Variants in CHD5 observed in about 807,000 individuals in gnomAD.
The protein encoded by CHD5 is chromodomain helicase DNA binding protein 5, also known as ATP-dependent chromatin remodeler CHD5.
In CHD5, 69 loss-of-function variants were observed where a neutral mutation model predicts 230.3. The ratio of observed to expected loss-of-function variants is 0.30; its 90% CI spans 0.25 to 0.37. CHD5 has a LOEUF of 0.37. CHD5 is among the 10% of genes least tolerant of loss of function. The pLI is 1.00. For missense variants in CHD5, 1,827 were observed against 2,622.8 expected (o/e 0.70, Z 6.63); for synonymous variants, 1,064 against 1,065.9 (o/e 1.00, Z 0.03).
At chr1:6,110,840 C>T (rs1288850093) in intron 36 of CHD5, among the ~76,000 whole-genome samples, 2 of 152,120 alleles carry the variant, frequency 1.3e-5, no homozygotes, top group Admixed American at 6.5e-5. Context: ...GAACCTTTTT[C>T]GGAAATAGAG....
chr1:6,148,707 G>C, intron 9 of CHD5, 147 bp downstream of exon 9: 1 of 568,362 alleles, frequency 1.8e-6, no homozygotes, highest in South Asian at 2.9e-5. Context: ...CGAGCAGCGC[G>C]GGCGAAGCTT....
intron 15 of CHD5, among the ~76,000 whole-genome samples, chr1:6,138,257 G>A (rs1032518213): frequency 1.3e-5 from 2 of 151,988 alleles, no homozygotes; most frequent in Non-Finnish European, 2.9e-5. Context: ...GACATCTGTA[G>A]TCCCAGCTAC....
chr1:6,147,549 G>A (rs1464633451), intron 9 of CHD5, among the ~76,000 whole-genome samples: 1 of 152,228 alleles, frequency 6.6e-6, no homozygotes, highest in Non-Finnish European at 1.5e-5. Flanking sequence ...TGAGATGGGT[G>A]GGAGCAGCCT....
rs1361260399 is a variant in CHD5 at position 6,110,466 on chromosome 1, C to T, written c.5310G>A (p.Glu1770=). Residue 1770 remains glutamate (E), a synonymous_variant, in exon 37 of 42, where the codon GAG becomes GAA. Transcript: ENST00000262450. ...CCTTGTGGACCTCAGACTTGAAGGG[C>T]TCGTTGAGGATCATGTACCGTGGGT... is the stretch of plus-strand genomic sequence containing the variant. ...QNDPRYMILN[E]PFKSEVHKGN... 2 of 1,613,958 alleles carry T rather than the reference C, an allele frequency of 1.2e-6. No individual in the cohort carries two copies. Among genetic ancestry groups the T allele is most frequent in the African/African-American group, 2.7e-5 (2 of 74,936 alleles).
chr1:6,136,909 A>G (rs760104099), intron 15 of CHD5, 44 bp from the exon 16 acceptor site: 3 of 1,555,616 alleles, frequency 1.9e-6, no homozygotes, highest in Non-Finnish European at 2.6e-6. Flanking sequence ...CTGGGAGCAG[A>G]GCGGATCACA....
intron 37 of CHD5, 24 bp from the exon 38 acceptor site, chr1:6,110,014 C>A: frequency 1.3e-6 from 2 of 1,493,870 alleles, no homozygotes; most frequent in South Asian, 1.4e-5. Context: ...GCAGCGTCGG[C>A]CCGGCCCCTC....
chr1:6,122,383 C>T (rs969157316), intron 31 of CHD5, among the ~76,000 whole-genome samples: 2 of 152,180 alleles, frequency 1.3e-5, no homozygotes, highest in African/African-American at 4.8e-5. Context: ...ATACGCACAC[C>T]GAACAACATT....
Position 6,124,591 on chromosome 1 carries a change from C to T in CHD5, c.4465G>A (p.Gly1489Ser). Residue 1489 changes from glycine to serine, a missense_variant, in exon 30 of 42, where the codon GGC becomes AGC. Gly to Ser is a moderately conservative substitution (Grantham distance 56, BLOSUM62 0). Transcript: ENST00000262450. Reference sequence around the variant, plus strand: ...CTGGAGAGGCCCTCCCGGGGCACGCCGTCTGCGAAGGTCTCTGCACCATCC... The same window carrying T: ...CTGGAGAGGCCCTCCCGGGGCACGCTGTCTGCGAAGGTCTCTGCACCATCC... Reference protein sequence around the residue: ...GADGAETFADGVPREGLSRQH... With the variant: ...GADGAETFADSVPREGLSRQH... 3 of 1,610,208 alleles carry T rather than the reference C, an allele frequency of 1.9e-6. No individual in the cohort carries two copies. Among genetic ancestry groups the T allele is most frequent in the East Asian group, 2.2e-5 (1 of 44,574 alleles).
At chr1:6,158,719 A>G (rs1667116695) in intron 3 of CHD5, among the ~76,000 whole-genome samples, 1 of 152,202 alleles carries the variant, frequency 6.6e-6, no homozygotes, top group South Asian at 2.1e-4. Context: ...CGAGGTCAAG[A>G]GATGGAGGCC....
At chr1:6,106,909 AGGATGGAG>A (rs1272476431) in intron 38 of CHD5, 130 bp from the exon 39 acceptor site, 17 of 86,038 alleles carry the variant, frequency 2.0e-4, no homozygotes, top group Non-Finnish European at 2.4e-4. Flanking sequence ...GAGGGATGGA[AGGATGGAG>A]GGATGGAGGG....
intron 15 of CHD5, among the ~76,000 whole-genome samples, chr1:6,141,268 G>A (rs941147447): frequency 6.9e-6 from 1 of 144,154 alleles, no homozygotes; most frequent in African/African-American, 2.6e-5. Flanking sequence ...CTGGGCGACA[G>A]AGTGAGACTC....
In CHD5 at chr1:6,112,277, T is replaced by C. The variant is rs755263508; in HGVS notation, c.5003A>G (p.Asp1668Gly). 11 of 1,614,108 alleles carry C rather than the reference T, an allele frequency of 6.8e-6. No homozygotes were observed. The South Asian group carries it at 9.9e-5, about 15-fold the overall frequency. The change falls in exon 35 of 42, where the codon GAT (aspartate) becomes GGT (glycine). Residue 1668 changes from aspartate to glycine, a missense_variant and splice_region_variant. This residue lies in a region of CHD5 where 272 missense variants were observed against 263.2 expected (regional missense o/e 1.03). Coordinates refer to ENST00000262450, the MANE Select transcript of CHD5 (RefSeq NM_015557.3). The stretch of plus-strand genomic sequence containing the variant: ...CTCCTTCTCCTCAGCCTTGGTGTCA[T>C]CTGCCGGGGACAGATCACATTCATT... Reference protein sequence around the residue: ...SRGDSSELRPDDTKAEEKEPI... With the variant: ...SRGDSSELRPGDTKAEEKEPI...
rs554040409 is a variant in CHD5 at position 6,151,947 on chromosome 1, G to A, written c.870+465C>T. On this transcript the variant is annotated intron_variant, in intron 6 of 41. Transcript: ENST00000262450. ...GGCCCAGAGCTGGCCCTGAGGACAG[G>A]AGGAGGTAACTGGGGCTCCAGCCAG... Among the ~76,000 whole-genome samples, 7 of 152,146 alleles carry A rather than the reference G, an allele frequency of 4.6e-5. No homozygotes were observed. In the South Asian group the frequency reaches 6.2e-4, roughly 14 times the overall value.
intron 38 of CHD5, among the ~76,000 whole-genome samples, chr1:6,107,549 A>G (rs12142518): frequency 0.17 from 16,387 of 95,526 alleles, 2,202 homozygotes; most frequent in East Asian, 0.48. Context: ...ATGGAGGGAT[A>G]ATGAAGGGAT....
At position 6,124,140 on chromosome 1, in the gene CHD5, G is replaced by A. The variant is rs1298817714; in HGVS notation, c.4540-33C>T. ...GGTGGGAGGGAAGGTGGAAGGGAAA[G>A]AGGGAGGGCAGTGGTGGCAACTCAG... On this transcript the variant is annotated intron_variant, in intron 30 of 41. Transcript: ENST00000262450. 6.3e-6 allele frequency: 10 copies of A among 1,597,420 alleles called. No homozygotes were observed. In the East Asian group the frequency reaches 9.0e-5, roughly 14 times the overall value.
chr1:6,118,738 C>T (rs1204140596), intron 33 of CHD5, among the ~76,000 whole-genome samples: 2 of 151,870 alleles, frequency 1.3e-5, no homozygotes, highest in Non-Finnish European at 2.9e-5. Context: ...GATCTTGTTG[C>T]CCAGGCTGGA....
At chr1:6,127,788 T>C (rs1420057146) in intron 25 of CHD5, among the ~76,000 whole-genome samples, 1 of 152,220 alleles carries the variant, frequency 6.6e-6, no homozygotes, top group Non-Finnish European at 1.5e-5. Flanking sequence ...CTCACTGTTG[T>C]GTCTCTAGTC....
chr1:6,150,367 AGGAT>A (rs373764965), intron 7 of CHD5, among the ~76,000 whole-genome samples: 14,122 of 115,858 alleles, frequency 0.12, 967 homozygotes, highest in African/African-American at 0.23. Context: ...GATGGACAAA[AGGAT>A]GGATGGATGG....
Position 6,134,988 on chromosome 1 carries a change from G to T in CHD5, c.2871-129C>A. 8.0e-7 allele frequency: 1 copy of T among 1,246,454 alleles called. No homozygotes were observed. Among genetic ancestry groups the T allele is most frequent in the Non-Finnish European group, 1.1e-6 (1 of 885,210 alleles). 77.2% of individuals were successfully genotyped at this position (1,246,454 alleles called of 1,614,324 possible). A position where few individuals can be genotyped will look rare whatever the true frequency, so the allele number is the denominator to read the frequency against. On this transcript the variant is annotated intron_variant, in intron 18 of 41. Coordinates refer to ENST00000262450, the MANE Select transcript of CHD5 (RefSeq NM_015557.3). This position sits in a 1 kb window ranked among gnomAD's most constrained non-coding sequence, Gnocchi z 6.3. ...ACAGAGAGACCCAAGGGACCCCCAAGAGGTGAAGCCACCGGCCTGGAGTCC... is the reference window on the plus strand; with the variant it reads ...ACAGAGAGACCCAAGGGACCCCCAATAGGTGAAGCCACCGGCCTGGAGTCC...
Sources: allele counts gnomAD v4.1 joint callset (sites outside exome capture counted in the v4.1 genomes callset), GRCh38; gene constraint gnomAD v4.1.1; regional missense constraint gnomAD v4.1.1; non-coding constraint Gnocchi (gnomAD v3.1); transcripts MANE v1.5; gene names NCBI Gene and HGNC (gene_info 2026-07-23, HGNC 2026-07-21).